TMEM237: variants seen among roughly 807,000 people sequenced by gnomAD.
The protein encoded by TMEM237 is amyotrophic lateral sclerosis 2 (juvenile) chromosome region, candidate 4.
A neutral mutation model predicts 59.1 loss-of-function variants in TMEM237; 51 were observed. That is an observed-to-expected ratio of 0.86 (90% CI 0.69 to 1.09). The LOEUF (loss-of-function observed/expected upper bound fraction) is 1.09. Ranked by LOEUF, TMEM237 falls within the 50% of genes least tolerant of loss-of-function variation. TMEM237 has a pLI of 0.00. For synonymous variants in TMEM237, 140 were observed against 166.1 expected, an observed-to-expected ratio of 0.84 and a Z score of 1.21; for missense variants, 475 against 478.3, an observed-to-expected ratio of 0.99 and a Z score of 0.06.
chr2:201,640,627 A>C (rs998042174), intron 2 of TMEM237, among the ~76,000 whole-genome samples: 26 of 152,274 alleles, frequency 1.7e-4, no homozygotes, highest in Middle Eastern at 3.4e-3. Context: ...TGATTTAAAA[A>C]AAAAAAGACA....
intron 7 of TMEM237, 132 bp downstream of exon 7, chr2:201,631,919 G>T: frequency 2.2e-6 from 2 of 911,178 alleles, no homozygotes; most frequent in Non-Finnish European, 3.3e-6. Context: ...ATCATAGCAT[G>T]ATGACCAGTT....
Position 201,632,044 on chromosome 2 carries a change from T to C in TMEM237, c.553+7A>G. The C allele has an allele frequency of 6.2e-7, 1 of 1,613,404 alleles. No individual in the cohort carries two copies. The highest frequency in any genetic ancestry group is 8.5e-7 in the Non-Finnish European group (1 of 1,179,570). ...AGTTCATATTCTAAAACAAGGCATC[T>C]ACTTACGGCTTTTTTCCACAAATAC... is the stretch of plus-strand genomic sequence containing the variant. On this transcript the variant is annotated splice_region_variant and intron_variant, in intron 7 of 12. Coordinates refer to ENST00000409883, the MANE Select transcript of TMEM237 (RefSeq NM_001044385.3).
intron 12 of TMEM237, among the ~76,000 whole-genome samples, chr2:201,625,109 T>A (rs1442433278): frequency 2.0e-5 from 3 of 152,184 alleles, no homozygotes; most frequent in Non-Finnish European, 4.4e-5. Context: ...CACGCCTTAA[T>A]CCCAGCACTT....
chr2:201,639,065 G>T lies in TMEM237; in HGVS notation c.80-20C>A, dbSNP rs753443048. 3.8e-6 allele frequency: 6 copies of T among 1,563,686 alleles called. No homozygotes were observed. Among genetic ancestry groups the T allele is most frequent in the Non-Finnish European group, 5.2e-6 (6 of 1,153,140 alleles). On this transcript the variant is annotated intron_variant, in intron 3 of 12. Transcript: ENST00000409883. ...TATCATCTATAAAGCAAGAAAAAAC[G>T]TCAACAGAAAAGGGTGCCTAAAATT... is the stretch of plus-strand genomic sequence containing the variant.
In TMEM237 at chr2:201,623,120, A is replaced by C. The variant is rs1413102503; in HGVS notation, c.*1135T>G. 4.7e-6 allele frequency: 1 copy of C among 212,186 alleles called. No homozygotes were observed. The highest frequency in any genetic ancestry group is 1.2e-4 in the East Asian group (1 of 8,186). The allele number at this position is 212,186 out of a possible 1,614,324, so 13.1% of individuals were successfully genotyped here. A position where few individuals can be genotyped will look rare whatever the true frequency, so the allele number is the denominator to read the frequency against. On this transcript the variant is annotated 3_prime_UTR_variant, in exon 13 of 13. Coordinates refer to ENST00000409883, the MANE Select transcript of TMEM237 (RefSeq NM_001044385.3). Reference sequence around the variant, plus strand: ...AGATTCCCAGTATAATGTTCACTCCAAATTTAGACCTATTGTCAGGGTCAA... The same window carrying C: ...AGATTCCCAGTATAATGTTCACTCCCAATTTAGACCTATTGTCAGGGTCAA...
At position 201,643,346 on chromosome 2, in the gene TMEM237, C is replaced by T. The variant is rs781591668; in HGVS notation, c.42+13G>A. 2 of 1,547,000 alleles carry T rather than the reference C, an allele frequency of 1.3e-6. No homozygotes were observed. Among genetic ancestry groups the T allele is most frequent in the Non-Finnish European group, 1.7e-6 (2 of 1,145,402 alleles). On this transcript the variant is annotated intron_variant, in intron 1 of 12. Coordinates refer to ENST00000409883, the MANE Select transcript of TMEM237 (RefSeq NM_001044385.3). The surrounding 1 kb of genome is among the most constrained non-coding windows in gnomAD (Gnocchi z 4.3). ...CGCCACCTCTCGAGGCCGACGCGCCCCTCGCCGCTCACCAGGTGGCCCTCC... is the reference window on the plus strand; with the variant it reads ...CGCCACCTCTCGAGGCCGACGCGCCTCTCGCCGCTCACCAGGTGGCCCTCC...
intron 9 of TMEM237, 86 bp from the exon 10 acceptor site, chr2:201,628,235 A>C (rs978730337): frequency 4.5e-6 from 4 of 888,946 alleles, no homozygotes; most frequent in African/African-American, 1.7e-5. Flanking sequence ...TTCCTTCTCT[A>C]GTCTAATGCT....
rs1957724971 is a variant in TMEM237 at position 201,623,078 on chromosome 2, C to T, written c.*1177G>A. 5.6e-6 allele frequency: 1 copy of T among 177,062 alleles called. No homozygotes were observed. The highest frequency in any genetic ancestry group is 1.3e-5 in the Non-Finnish European group (1 of 79,532). The allele number at this position is 177,062 out of a possible 1,614,324, so 11.0% of individuals were successfully genotyped here. On this transcript the variant is annotated 3_prime_UTR_variant, in exon 13 of 13. Coordinates refer to ENST00000409883, the MANE Select transcript of TMEM237 (RefSeq NM_001044385.3). The stretch of plus-strand genomic sequence containing the variant: ...AGAATCCCTTTTCGGCAGCTCCAGC[C>T]TTACAAACAGCAAAAGAGATTCCCA...
intron 10 of TMEM237, 103 bp downstream of exon 10, chr2:201,627,973 A>T (rs1957773581): frequency 1.4e-6 from 1 of 694,630 alleles, no homozygotes; most frequent in African/African-American, 1.8e-5. Flanking sequence ...AATGTTTATA[A>T]GGAGCAGTAA....
chr2:201,643,274 G>GGCCCCCCCCCCACC lies in TMEM237; in HGVS notation c.42+84_42+85insGGTGGGGGGGGGGC. The GGCCCCCCCCCCACC allele has an allele frequency of 8.3e-7, 1 of 1,206,760 alleles. No homozygotes were observed. The highest frequency in any genetic ancestry group is 1.2e-6 in the Non-Finnish European group (1 of 849,320). The allele number at this position is 1,206,760 out of a possible 1,614,324, so 74.8% of individuals were successfully genotyped here. A position where few individuals can be genotyped will look rare whatever the true frequency, so the allele number is the denominator to read the frequency against. ...CCTTAGTGATTCCCAGCTCGTTGGC[G>GGCCCCCCCCCCACC]CCCCCCCACACACACCCACCCCCAC... On this transcript the variant is annotated intron_variant, in intron 1 of 12. Coordinates refer to ENST00000409883, the MANE Select transcript of TMEM237 (RefSeq NM_001044385.3). This position sits in a 1 kb window ranked among gnomAD's most constrained non-coding sequence, Gnocchi z 4.3.
Position 201,626,024 on chromosome 2 carries a change from A to G in TMEM237, c.1159+2T>C, listed in dbSNP as rs778693371. On this transcript the variant is annotated splice_donor_variant, in intron 12 of 12. Transcript: ENST00000409883. LOFTEE classifies it high-confidence loss of function. ...TCTTATGCTATTTTTTTTCTTTAATACCTTCACTAAGATCCATGCCTGGCC... is the reference window on the plus strand; with the variant it reads ...TCTTATGCTATTTTTTTTCTTTAATGCCTTCACTAAGATCCATGCCTGGCC... 2 of 1,571,318 alleles carry G rather than the reference A, an allele frequency of 1.3e-6. No homozygotes were observed. The highest frequency in any genetic ancestry group is 1.2e-5 in the South Asian group (1 of 85,318).
At chr2:201,626,534 G>A (rs1442998126) in intron 11 of TMEM237, among the ~76,000 whole-genome samples, 63 of 96,042 alleles carry the variant, frequency 6.6e-4, no homozygotes, top group South Asian at 1.7e-3. Flanking sequence ...AGCATTTGGG[G>A]AAAAAAAAAA....
chr2:201,625,717 G>C (rs972481281), intron 12 of TMEM237, among the ~76,000 whole-genome samples: 5 of 152,186 alleles, frequency 3.3e-5, no homozygotes, highest in Non-Finnish European at 5.9e-5. Flanking sequence ...AGGAGACTAA[G>C]AGAAGTGAAG....
rs144051344 is a variant in TMEM237 at position 201,629,867 on chromosome 2, C to G, written c.554-15G>C. ...CTGGAATCTCCCTAAGAACACATAACGTAATTACTAACAACTAGCGAGAGA... is the reference window on the plus strand; with the variant it reads ...CTGGAATCTCCCTAAGAACACATAAGGTAATTACTAACAACTAGCGAGAGA... On this transcript the variant is annotated splice_polypyrimidine_tract_variant and intron_variant, in intron 7 of 12. Transcript: ENST00000409883. 1.2e-6 allele frequency: 2 copies of G among 1,605,094 alleles called. No homozygotes were observed. The highest frequency in any genetic ancestry group is 1.7e-6 in the Non-Finnish European group (2 of 1,177,692).
chr2:201,624,760 A>G (rs1207496246), intron 12 of TMEM237, among the ~76,000 whole-genome samples: 2 of 152,194 alleles, frequency 1.3e-5, no homozygotes, highest in Non-Finnish European at 2.9e-5. Flanking sequence ...TTAATCATCA[A>G]AACAACGCAA....
At chr2:201,628,017 T>C in intron 10 of TMEM237, 59 bp downstream of exon 10, 2 of 1,258,784 alleles carry the variant, frequency 1.6e-6, no homozygotes. Flanking sequence ...TTTATCCTGG[T>C]TCAAAATTAT....
At chr2:201,627,141 T>C (rs1957766855) in intron 11 of TMEM237, among the ~76,000 whole-genome samples, 180 bp downstream of exon 11, 1 of 151,914 alleles carries the variant, frequency 6.6e-6, no homozygotes, top group African/African-American at 2.4e-5. Flanking sequence ...AGATATTTCA[T>C]TAAAAATGCA....
chr2:201,643,054 C>G lies in TMEM237; in HGVS notation c.42+305G>C, dbSNP rs1020276061. 2 of 1,216,860 alleles carry G rather than the reference C, an allele frequency of 1.6e-6. No individual in the cohort carries two copies. The highest frequency in any genetic ancestry group is 3.2e-5 in the African/African-American group (2 of 62,206). 75.4% of individuals were successfully genotyped at this position (1,216,860 alleles called of 1,614,324 possible). On this transcript the variant is annotated intron_variant, in intron 1 of 12. Transcript: ENST00000409883. This position sits in a 1 kb window ranked among gnomAD's most constrained non-coding sequence, Gnocchi z 4.3. ...AGTCTAGGAGAGGCCTGGCTGGAAG[C>G]CCCGGCACCCGCCGGGCCCCGGGCC... is the stretch of plus-strand genomic sequence containing the variant.
chr2:201,633,995 C>G (rs117532505), intron 5 of TMEM237, among the ~76,000 whole-genome samples: 1 of 152,156 alleles, frequency 6.6e-6, no homozygotes, highest in African/African-American at 2.4e-5. Flanking sequence ...TAGCACATAC[C>G]AAAATTCTGG....
Sources: allele counts gnomAD v4.1 joint callset (sites outside exome capture counted in the v4.1 genomes callset), GRCh38; gene constraint gnomAD v4.1.1; non-coding constraint Gnocchi (gnomAD v3.1); transcripts MANE v1.5; gene names NCBI Gene and HGNC (gene_info 2026-07-23, HGNC 2026-07-21).